The following DSCAM variants were observed in gnomAD, a reference collection of about 807,000 sequenced individuals.
DSCAM encodes cell adhesion molecule DSCAM.
A neutral mutation model predicts 217.7 loss-of-function variants in DSCAM; 47 were observed. The ratio of observed to expected loss-of-function variants is 0.22; its 90% CI spans 0.17 to 0.28. DSCAM has a LOEUF of 0.28. DSCAM is among the 10% of genes least tolerant of loss of function. DSCAM has a pLI of 1.00. For synonymous variants in DSCAM, 1,056 were observed against 1,015.3 expected, an observed-to-expected ratio of 1.04 and a Z score of -0.76; for missense variants, 2,080 against 2,618.3, an observed-to-expected ratio of 0.79 and a Z score of 4.49.
chr21:40,227,063 T>C (rs1412007710), intron 11 of DSCAM, among the ~76,000 whole-genome samples: 1 of 152,200 alleles, frequency 6.6e-6, no homozygotes, highest in Non-Finnish European at 1.5e-5. Flanking sequence ...TCCATGTCCC[T>C]GCAAAGGACA....
chr21:40,614,543 C>T (rs921808112), intron 3 of DSCAM, among the ~76,000 whole-genome samples: 3 of 152,026 alleles, frequency 2.0e-5, no homozygotes, highest in Non-Finnish European at 4.4e-5. Context: ...CCATGAGTTT[C>T]AATTGTTTGA....
intron 3 of DSCAM, among the ~76,000 whole-genome samples, chr21:40,433,346 TAAA>T (rs10678618): frequency 1.1e-5 from 1 of 93,732 alleles, no homozygotes. Flanking sequence ...AGACTCCGTC[TAAA>T]AAAAAAAAAA....
chr21:40,620,739 G>A (rs746919740), intron 3 of DSCAM, among the ~76,000 whole-genome samples: 39 of 152,230 alleles, frequency 2.6e-4, no homozygotes, highest in Middle Eastern at 3.4e-3. Context: ...AATTAAACAC[G>A]TATTTATCAT....
At chr21:40,690,784 T>G (rs925724913) in intron 3 of DSCAM, among the ~76,000 whole-genome samples, 1 of 152,146 alleles carries the variant, frequency 6.6e-6, no homozygotes. Context: ...ATTAAAGATG[T>G]CTAAAAACAA....
At chr21:40,641,099 C>T (rs1359822643) in intron 3 of DSCAM, among the ~76,000 whole-genome samples, 2 of 152,124 alleles carry the variant, frequency 1.3e-5, no homozygotes, top group East Asian at 1.9e-4. Flanking sequence ...CATAGGAGAA[C>T]GATGCTGCAT....
intron 3 of DSCAM, among the ~76,000 whole-genome samples, chr21:40,461,161 T>C (rs2075802830): frequency 6.6e-6 from 1 of 152,202 alleles, no homozygotes; most frequent in Admixed American, 6.5e-5. Context: ...CACATAGGCA[T>C]AATACTTTAC....
At chr21:40,166,546 CCTTA>C (rs1159400545) in intron 16 of DSCAM, among the ~76,000 whole-genome samples, 1 of 152,180 alleles carries the variant, frequency 6.6e-6, no homozygotes. Context: ...AACACTGCTT[CCTTA>C]CTTGAGAAAA....
intron 10 of DSCAM, among the ~76,000 whole-genome samples, chr21:40,287,666 G>T (rs1444435266): frequency 6.6e-6 from 1 of 152,140 alleles, no homozygotes; most frequent in African/African-American, 2.4e-5. Context: ...AGTTCCTGTT[G>T]CCCCCTGTGA....
chr21:40,537,901 C>T (rs544297418), intron 3 of DSCAM, among the ~76,000 whole-genome samples: 1 of 152,192 alleles, frequency 6.6e-6, no homozygotes, highest in African/African-American at 2.4e-5. Flanking sequence ...TCCCAAGCAC[C>T]TTTCGCATTA....
intron 1 of DSCAM, among the ~76,000 whole-genome samples, chr21:40,836,648 G>A (rs2092059061): frequency 6.6e-6 from 1 of 152,216 alleles, no homozygotes; most frequent in African/African-American, 2.4e-5. Context: ...TACTGTTTGG[G>A]TAGCTTCTTT....
intron 5 of DSCAM, among the ~76,000 whole-genome samples, chr21:40,351,594 A>G (rs1378178095): frequency 1.3e-5 from 2 of 152,202 alleles, no homozygotes; most frequent in African/African-American, 4.8e-5. Context: ...TTGGAGCCCA[A>G]GAGAATGCCT....
intron 16 of DSCAM, among the ~76,000 whole-genome samples, chr21:40,145,405 A>G (rs948593180): frequency 1.3e-5 from 2 of 152,138 alleles, no homozygotes; most frequent in African/African-American, 4.8e-5. Context: ...GCCCCGAATC[A>G]TTCTGGAATG....
intron 3 of DSCAM, among the ~76,000 whole-genome samples, chr21:40,614,542 T>A (rs746707434): frequency 3.3e-5 from 5 of 152,200 alleles, no homozygotes; most frequent in Non-Finnish European, 5.9e-5. Flanking sequence ...GCCATGAGTT[T>A]CAATTGTTTG....
intron 20 of DSCAM, among the ~76,000 whole-genome samples, chr21:40,109,061 T>A (rs1333180733): frequency 6.6e-6 from 1 of 152,158 alleles, no homozygotes; most frequent in Non-Finnish European, 1.5e-5. Flanking sequence ...GAAGACAGCC[T>A]AGGCAATACT....
intron 20 of DSCAM, among the ~76,000 whole-genome samples, chr21:40,105,430 G>A (rs2089807067): frequency 6.6e-6 from 1 of 152,188 alleles, no homozygotes; most frequent in African/African-American, 2.4e-5. Context: ...TGAATCATGG[G>A]TGTGGTTACC....
intron 3 of DSCAM, among the ~76,000 whole-genome samples, chr21:40,416,489 T>G (rs1472032535): frequency 6.6e-6 from 1 of 152,230 alleles, no homozygotes; most frequent in Non-Finnish European, 1.5e-5. Flanking sequence ...TTGCCATCTC[T>G]TGTGTAAATG....
chr21:40,712,991 G>T (rs955691044), intron 1 of DSCAM, among the ~76,000 whole-genome samples: 1 of 152,218 alleles, frequency 6.6e-6, no homozygotes, highest in Non-Finnish European at 1.5e-5. Context: ...CTCCAAAGTA[G>T]ATGGGCCCCC....
chr21:40,729,251 G>T (rs772563491), intron 1 of DSCAM, among the ~76,000 whole-genome samples: 5 of 152,196 alleles, frequency 3.3e-5, no homozygotes, highest in African/African-American at 1.2e-4. Flanking sequence ...ACTCTGTCGT[G>T]AGGAACAGAG....
chr21:40,517,496 T>TAAG (rs2076312533), intron 3 of DSCAM, among the ~76,000 whole-genome samples: 2 of 151,620 alleles, frequency 1.3e-5, no homozygotes, highest in Non-Finnish European at 2.9e-5. Flanking sequence ...CATATAACAT[T>TAAG]GTTAGGGTCT....
Sources: allele counts gnomAD v4.1 joint callset (sites outside exome capture counted in the v4.1 genomes callset), GRCh38; gene constraint gnomAD v4.1.1; transcripts MANE v1.5; gene names NCBI Gene and HGNC (gene_info 2026-07-23, HGNC 2026-07-21).